The following CDH13 variants were observed in gnomAD, a reference collection of about 807,000 sequenced individuals.
The protein encoded by CDH13 is cadherin 13.
A neutral mutation model predicts 63.8 loss-of-function variants in CDH13; 24 were observed. The observed-to-expected ratio is 0.38, with a 90% CI of 0.27 to 0.53. The LOEUF (loss-of-function observed/expected upper bound fraction) is 0.53, where lower values mean the gene tolerates loss of function less well. Ranked by LOEUF, CDH13 falls within the 20% of genes least tolerant of loss-of-function variation. The probability of loss-of-function intolerance (pLI) is 0.85; values close to 1 mark genes in which losing one functional copy is unlikely to be tolerated. For synonymous variants in CDH13, 503 were observed against 355.3 expected (o/e 1.42, Z -4.67); for missense variants, 1,049 against 903.1 (o/e 1.16, Z -2.07).
chr16:83,007,555 C>G (rs1597396395), intron 2 of CDH13, among the ~76,000 whole-genome samples: 1 of 152,130 alleles, frequency 6.6e-6, no homozygotes, highest in South Asian at 2.1e-4. Flanking sequence ...TAAGGCCGGG[C>G]TCAGTGGCTC....
rs113265318 is a variant in CDH13 at position 83,218,130 on chromosome 16, A to G, written c.636+633A>G. On this transcript the variant is annotated intron_variant, in intron 5 of 13. Transcript: ENST00000567109. Reference sequence around the variant, plus strand: ...GAAAAATCAGTGGGTTAATGGTTGTATTTGGAAGTGATTGATTGATTGATT... The same window carrying G: ...GAAAAATCAGTGGGTTAATGGTTGTGTTTGGAAGTGATTGATTGATTGATT... Among the ~76,000 whole-genome samples the G allele has an allele frequency of 7.7e-3, 1,168 of 152,258 alleles. 13 individuals are homozygous for G. The highest frequency in any genetic ancestry group is 0.026 in the African/African-American group (1,069 of 41,514).
intron 2 of CDH13, among the ~76,000 whole-genome samples, chr16:82,901,505 C>G (rs1193998977): frequency 2.6e-5 from 4 of 151,954 alleles, no homozygotes; most frequent in Admixed American, 2.0e-4. Context: ...AGTGAACAAG[C>G]AAGTGTGTGA....
intron 10 of CDH13, among the ~76,000 whole-genome samples, chr16:83,742,741 G>A (rs913640786): frequency 3.3e-5 from 5 of 152,176 alleles, no homozygotes; most frequent in African/African-American, 1.2e-4. Context: ...ACCGTTCATT[G>A]TCTCCACCCA....
chr16:83,697,964 G>C (rs541865871), intron 10 of CDH13, among the ~76,000 whole-genome samples: 2 of 152,268 alleles, frequency 1.3e-5, no homozygotes, highest in South Asian at 2.1e-4. Context: ...AGTTTTATAG[G>C]ACATAGCTAT....
At chr16:83,150,672 T>A (rs1281622372) in intron 4 of CDH13, among the ~76,000 whole-genome samples, 3 of 152,230 alleles carry the variant, frequency 2.0e-5, no homozygotes, top group African/African-American at 7.2e-5. Context: ...CTTTTTGTTG[T>A]CTTACCTATT....
At chr16:82,658,086 G>A (rs1007812574) in intron 1 of CDH13, among the ~76,000 whole-genome samples, 1 of 152,166 alleles carries the variant, frequency 6.6e-6, no homozygotes, top group Admixed American at 6.5e-5. Context: ...AGAAGTTTCT[G>A]TCTGTTACTA....
intron 2 of CDH13, among the ~76,000 whole-genome samples, chr16:82,926,975 A>G (rs2042323684): frequency 1.3e-5 from 2 of 152,026 alleles, no homozygotes; most frequent in Admixed American, 1.3e-4. Flanking sequence ...AATGGGGACT[A>G]TTCATCTCTG....
At chr16:82,665,402 A>T (rs1912467931) in intron 1 of CDH13, among the ~76,000 whole-genome samples, 1 of 152,218 alleles carries the variant, frequency 6.6e-6, no homozygotes, top group Non-Finnish European at 1.5e-5. Context: ...AAACAAGGTT[A>T]TATATTGACT....
Position 83,342,881 on chromosome 16 carries a change from T to C in CDH13, c.637-1981T>C, listed in dbSNP as rs1194774070. ...TTTTTTTTTTTTGGTTGAGTTAAAG[T>C]CAAGTCCTTGGCTATTTTGGGAAGA... On this transcript the variant is annotated intron_variant, in intron 5 of 13. Coordinates refer to ENST00000567109, the MANE Select transcript of CDH13 (RefSeq NM_001257.5). Among the ~76,000 whole-genome samples, 6 of 121,500 alleles carry C rather than the reference T, an allele frequency of 4.9e-5. No homozygotes were observed. In the Admixed American group the frequency reaches 6.5e-4, roughly 13 times the overall value. 79.7% of individuals were successfully genotyped at this position (121,500 alleles called of 152,430 possible).
At chr16:83,237,346 G>A (rs1294056310) in intron 5 of CDH13, among the ~76,000 whole-genome samples, 1 of 152,160 alleles carries the variant, frequency 6.6e-6, no homozygotes, top group Non-Finnish European at 1.5e-5. Flanking sequence ...ACGAAACTAA[G>A]CTTAACTTCT....
intron 7 of CDH13, among the ~76,000 whole-genome samples, chr16:83,516,451 C>G (rs143464111): frequency 1.1e-4 from 16 of 152,330 alleles, no homozygotes; most frequent in East Asian, 5.8e-4. Flanking sequence ...AGCCAAGGAT[C>G]TGATTTTATT....
chr16:83,118,982 T>C (rs1039615998), intron 3 of CDH13, among the ~76,000 whole-genome samples: 1 of 152,208 alleles, frequency 6.6e-6, no homozygotes, highest in African/African-American at 2.4e-5. Context: ...CTGAAGAACT[T>C]CTTTCCATAG....
chr16:82,660,330 G>A (rs1911785090), intron 1 of CDH13, among the ~76,000 whole-genome samples: 1 of 152,196 alleles, frequency 6.6e-6, no homozygotes, highest in African/African-American at 2.4e-5. Flanking sequence ...AGTGAGTTAA[G>A]TCAAGGGTGG....
intron 1 of CDH13, among the ~76,000 whole-genome samples, chr16:82,717,092 C>T (rs1462725505): frequency 6.6e-6 from 1 of 152,050 alleles, no homozygotes; most frequent in Non-Finnish European, 1.5e-5. Flanking sequence ...AGAAGTCTGC[C>T]CAGGTGCACT....
At chr16:83,701,831 C>T (rs1906281625) in intron 10 of CDH13, among the ~76,000 whole-genome samples, 1 of 152,176 alleles carries the variant, frequency 6.6e-6, no homozygotes, top group Non-Finnish European at 1.5e-5. Context: ...TTCCTCTGCC[C>T]TCTCTCCCTC....
chr16:82,692,003 C>A (rs893349010), intron 1 of CDH13, among the ~76,000 whole-genome samples: 1 of 152,144 alleles, frequency 6.6e-6, no homozygotes, highest in Admixed American at 6.5e-5. Context: ...GTCTATCTTC[C>A]CTTCAATTAT....
intron 3 of CDH13, among the ~76,000 whole-genome samples, chr16:83,041,996 C>T (rs568139500): frequency 6.6e-6 from 1 of 152,290 alleles, no homozygotes; most frequent in East Asian, 1.9e-4. Flanking sequence ...ACGTTCTAGA[C>T]AAAAATACTT....
At position 83,500,300 on chromosome 16, in the gene CDH13, C is replaced by T. The variant is rs1374486740; in HGVS notation, c.960+13645C>T. ...TCTTCTTCTTCTTCTTCTTCTCCTT[C>T]TCCTTCTCCTTCTCCTTCTCCTCCT... On this transcript the variant is annotated intron_variant, in intron 7 of 13. Transcript: ENST00000567109. Among the ~76,000 whole-genome samples the T allele has an allele frequency of 2.1e-3, 2 of 942 alleles. 1 individual carries two copies. The highest frequency in any genetic ancestry group is 0.5 in the South Asian group (2 of 4). The allele number at this position is 942 out of a possible 152,430, so 0.6% of individuals were successfully genotyped here.
intron 4 of CDH13, among the ~76,000 whole-genome samples, chr16:83,128,410 A>C (rs373301975): frequency 2.0e-5 from 3 of 152,178 alleles, no homozygotes; most frequent in Non-Finnish European, 4.4e-5. Context: ...GCGTTTTTAC[A>C]CAGCTTCTAG....
Sources: allele counts gnomAD v4.1 joint callset (sites outside exome capture counted in the v4.1 genomes callset), GRCh38; gene constraint gnomAD v4.1.1; transcripts MANE v1.5; gene names NCBI Gene and HGNC (gene_info 2026-07-23, HGNC 2026-07-21).